Variants in CHRM3 observed in about 807,000 individuals in gnomAD.
CHRM3 encodes muscarinic acetylcholine receptor M3.
CHRM3 carries 11 observed loss-of-function variants against 41.8 expected under a neutral mutation model. The observed-to-expected ratio is 0.26, with a 90% confidence interval of 0.17 to 0.44. The LOEUF (loss-of-function observed/expected upper bound fraction) is 0.44, where lower values mean the gene tolerates loss of function less well. Ranked by LOEUF, CHRM3 falls within the 20% of genes least tolerant of loss-of-function variation. The pLI, the probability that CHRM3 is intolerant of heterozygous loss-of-function variation, is 1.00. For missense variants in CHRM3, 571 were observed against 745.4 expected, an observed-to-expected ratio of 0.77 and a Z score of 2.72; for synonymous variants, 297 against 301.4, an observed-to-expected ratio of 0.99 and a Z score of 0.15.
At chr1:239,729,752 A>C (rs1326438764) in intron 5 of CHRM3, among the ~76,000 whole-genome samples, 1 of 150,744 alleles carries the variant, frequency 6.6e-6, no homozygotes, top group African/African-American at 2.5e-5. Context: ...TGATGTTACA[A>C]ATCATGCATT....
At chr1:239,646,567 C>A (rs560075725) in intron 4 of CHRM3, among the ~76,000 whole-genome samples, 1 of 151,988 alleles carries the variant, frequency 6.6e-6, no homozygotes, top group East Asian at 1.9e-4. Flanking sequence ...ATAGAGATAC[C>A]CTTCTATAAG....
chr1:239,633,708 G>A (rs1321517403), intron 4 of CHRM3, among the ~76,000 whole-genome samples: 1 of 152,020 alleles, frequency 6.6e-6, no homozygotes, highest in Non-Finnish European at 1.5e-5. Flanking sequence ...CTATCAGGAA[G>A]TCACACCCCT....
At chr1:239,486,534 G>A (rs968524756) in intron 1 of CHRM3, among the ~76,000 whole-genome samples, 2 of 152,152 alleles carry the variant, frequency 1.3e-5, no homozygotes, top group African/African-American at 4.8e-5. Flanking sequence ...AACTTTATTT[G>A]AAGAACCAAA....
intron 2 of CHRM3, among the ~76,000 whole-genome samples, chr1:239,508,735 A>G (rs969464835): frequency 1.3e-5 from 2 of 152,176 alleles, no homozygotes; most frequent in South Asian, 4.1e-4. Context: ...TGAGTCATGA[A>G]TCAAATATCA....
rs538308232 is a variant in CHRM3 at position 239,432,225 on chromosome 1, A to G, written c.-521+44998A>G. The stretch of plus-strand genomic sequence containing the variant: ...TCACAATCTCATGTGGAAGTGGTCT[A>G]TTTGGTGATTGCCTACATAGTCATT... On this transcript the variant is annotated intron_variant, in intron 1 of 6. Transcript: ENST00000676153. 7.9e-5 allele frequency among the ~76,000 whole-genome samples: 12 copies of G among 152,120 alleles called. No individual in the cohort carries two copies. The South Asian group carries it at 1.7e-3, about 21-fold the overall frequency.
intron 4 of CHRM3, among the ~76,000 whole-genome samples, chr1:239,666,484 G>A (rs1038295348): frequency 6.6e-6 from 1 of 151,976 alleles, no homozygotes; most frequent in Admixed American, 6.6e-5. Flanking sequence ...GAGTCACCGA[G>A]CCCGGCCTGT....
intron 2 of CHRM3, among the ~76,000 whole-genome samples, chr1:239,508,482 T>C (rs772976666): frequency 6.6e-6 from 1 of 152,222 alleles, no homozygotes; most frequent in Admixed American, 6.5e-5. Flanking sequence ...TATTTGCAAT[T>C]TAATACTTGT....
intron 6 of CHRM3, among the ~76,000 whole-genome samples, chr1:239,902,296 T>A (rs1558225711): frequency 6.6e-6 from 1 of 152,110 alleles, no homozygotes; most frequent in Non-Finnish European, 1.5e-5. Context: ...AATCTACAGA[T>A]CAGGCGATAG....
chr1:239,516,035 CTT>C (rs1331070768), intron 2 of CHRM3, among the ~76,000 whole-genome samples: 1 of 152,116 alleles, frequency 6.6e-6, no homozygotes, highest in Admixed American at 6.6e-5. Flanking sequence ...TTCTCTTTCT[CTT>C]TCTCTCTCTC....
At chr1:239,477,592 T>C (rs1258728007) in intron 1 of CHRM3, among the ~76,000 whole-genome samples, 3 of 152,170 alleles carry the variant, frequency 2.0e-5, no homozygotes, top group African/African-American at 7.2e-5. Context: ...ACATGACAGC[T>C]CATGTACTGG....
chr1:239,457,171 TG>T lies in CHRM3; in HGVS notation c.-520-35537del, dbSNP rs780456587. ...TCAGGTCCCTATTGGCCCCTTTCTTTGTATGGCCATAGGCAGGTTACTTAAC... is the reference window on the plus strand; with the variant it reads ...TCAGGTCCCTATTGGCCCCTTTCTTTTATGGCCATAGGCAGGTTACTTAAC... On this transcript the variant is annotated intron_variant, in intron 1 of 6. Coordinates refer to ENST00000676153, the MANE Select transcript of CHRM3 (RefSeq NM_001375978.1). 5.3e-5 allele frequency among the ~76,000 whole-genome samples: 8 copies of T among 152,316 alleles called. No individual in the cohort carries two copies. The South Asian group carries it at 1.5e-3, about 28-fold the overall frequency.
Position 239,404,424 on chromosome 1 carries a change from AAGAAAG to A in CHRM3, c.-521+17199_-521+17204del, listed in dbSNP as rs1558195881. On this transcript the variant is annotated intron_variant, in intron 1 of 6. Transcript: ENST00000676153. ...AGAAAGAAAGAAAAAGAAAGAAAGA[AAGAAAG>A]AAAGAAAGAAAGAAAGAAAGAAAGA... Among the ~76,000 whole-genome samples the A allele has an allele frequency of 3.8e-4, 40 of 104,840 alleles. 1 individual carries two copies. The highest frequency in any genetic ancestry group is 1.4e-3 in the African/African-American group (36 of 26,356). The allele number at this position is 104,840 out of a possible 152,430, so 68.8% of individuals were successfully genotyped here.
chr1:239,714,456 C>T (rs908641545), intron 5 of CHRM3, among the ~76,000 whole-genome samples: 2 of 152,038 alleles, frequency 1.3e-5, no homozygotes, highest in Non-Finnish European at 2.9e-5. Context: ...AGCTGAGACC[C>T]GAAAGGTAAA....
chr1:239,714,824 G>A (rs535111853), intron 5 of CHRM3, among the ~76,000 whole-genome samples: 11 of 152,274 alleles, frequency 7.2e-5, no homozygotes, highest in Non-Finnish European at 1.0e-4. Context: ...TTAGATGCCT[G>A]ATGTCTTGAA....
chr1:239,637,128 T>C (rs928932658), intron 4 of CHRM3, among the ~76,000 whole-genome samples: 1 of 152,182 alleles, frequency 6.6e-6, no homozygotes, highest in Non-Finnish European at 1.5e-5. Flanking sequence ...TATACATTTA[T>C]ATATACATTT....
At chr1:239,862,377 A>G (rs547494082) in intron 6 of CHRM3, among the ~76,000 whole-genome samples, 1 of 152,350 alleles carries the variant, frequency 6.6e-6, no homozygotes, top group Non-Finnish European at 1.5e-5. Flanking sequence ...TACAGATTAA[A>G]ACAAAGAAAA....
intron 1 of CHRM3, among the ~76,000 whole-genome samples, chr1:239,489,744 T>G (rs1667438901): frequency 6.6e-6 from 1 of 152,224 alleles, no homozygotes; most frequent in Non-Finnish European, 1.5e-5. Context: ...TTGTTCCATT[T>G]TCTTAAATTC....
chr1:239,453,001 T>C (rs958213398), intron 1 of CHRM3, among the ~76,000 whole-genome samples: 3 of 152,102 alleles, frequency 2.0e-5, no homozygotes, highest in African/African-American at 7.2e-5. Context: ...GGGGTTTCAC[T>C]GTGTTAGCCA....
intron 1 of CHRM3, among the ~76,000 whole-genome samples, chr1:239,404,085 G>A (rs1441231620): frequency 1.3e-5 from 2 of 149,820 alleles, no homozygotes; most frequent in African/African-American, 2.5e-5. Context: ...TCACGAGATC[G>A]AGACCATCCT....
Sources: allele counts gnomAD v4.1 joint callset (sites outside exome capture counted in the v4.1 genomes callset), GRCh38; gene constraint gnomAD v4.1.1; transcripts MANE v1.5; gene names NCBI Gene and HGNC (gene_info 2026-07-23, HGNC 2026-07-21).